Variants in SIRT1 observed in about 807,000 individuals in gnomAD.
The protein encoded by SIRT1 is sirtuin 1, also known as NAD-dependent protein deacetylase sirtuin-1.
In SIRT1, 24 loss-of-function variants were observed where a neutral mutation model predicts 67.9. The ratio of observed to expected loss-of-function variants is 0.35; its 90% CI spans 0.26 to 0.50. The LOEUF (loss-of-function observed/expected upper bound fraction) is 0.50, where lower values mean the gene tolerates loss of function less well. SIRT1 is among the 20% of genes least tolerant of loss of function. SIRT1 has a pLI of 0.98. For missense variants in SIRT1, 873 were observed against 937.2 expected, an observed-to-expected ratio of 0.93 and a Z score of 0.89; for synonymous variants, 378 against 350.7, an observed-to-expected ratio of 1.08 and a Z score of -0.87.
At chr10:67,885,287 T>C (rs1011259857) in intron 1 of SIRT1, 136 bp downstream of exon 1, 3 of 1,242,742 alleles carry the variant, frequency 2.4e-6, no homozygotes, top group Middle Eastern at 3.1e-4. Context: ...GGCCCTCCGT[T>C]CAGCCGCGCT....
In SIRT1 at chr10:67,916,307, A is replaced by G; in HGVS notation, c.1958A>G (p.His653Arg). Residue 653 changes from histidine (H) to arginine (R), a missense_variant, in exon 9 of 9, where the codon CAT (histidine) becomes CGT (arginine). Physicochemically the swap from His to Arg is conservative, Grantham distance 29. Transcript: ENST00000212015. ...TTGCCACCAAATCGTTACATTTTCCATGGCGCTGAGGTATATTCAGACTCT... is the reference window on the plus strand; with the variant it reads ...TTGCCACCAAATCGTTACATTTTCCGTGGCGCTGAGGTATATTCAGACTCT... ...LFLPPNRYIF[H>R]GAEVYSDSED... 3 of 1,598,826 alleles carry G rather than the reference A, an allele frequency of 1.9e-6. No individual in the cohort carries two copies. The highest frequency in any genetic ancestry group is 2.2e-5 in the South Asian group (2 of 90,384).
In SIRT1 at chr10:67,887,518, C is replaced by G. The variant is rs752035789; in HGVS notation, c.532C>G (p.Pro178Ala). ...ASHASSSDWTPRPRIGPYTFV... is the reference protein window; with the variant it reads ...ASHASSSDWTARPRIGPYTFV... ...ACATGCAAGCTCTAGTGACTGGACT[C>G]CAAGGCCACGGATAGGTATGGCTCA... is the stretch of plus-strand genomic sequence containing the variant. The change falls in exon 2 of 9, where the codon CCA becomes GCA. Residue 178 changes from proline (P) to alanine (A), a missense_variant. By Grantham distance (27) the Pro-to-Ala change is conservative (BLOSUM62 -1). Transcript: ENST00000212015. 6.2e-7 allele frequency: 1 copy of G among 1,608,764 alleles called. No individual in the cohort carries two copies. Among genetic ancestry groups the G allele is most frequent in the Non-Finnish European group, 8.5e-7 (1 of 1,175,258 alleles).
At chr10:67,886,824 TTGTA>T (rs1172648798) in intron 1 of SIRT1, among the ~76,000 whole-genome samples, 3 of 152,278 alleles carry the variant, frequency 2.0e-5, no homozygotes, top group Middle Eastern at 3.4e-3. Context: ...TTGTTTGTGA[TTGTA>T]TGATACATTC....
In SIRT1 at chr10:67,884,744, C is replaced by T. The variant is rs2131841433; in HGVS notation, c.23C>T (p.Ala8Val). MADEAAL[A>V]LQPGGSPSAA... ...AAGATGGCGGACGAGGCGGCCCTCG[C>T]CCTTCAGCCCGGCGGCTCCCCCTCG... The change falls in exon 1 of 9, where the codon GCC becomes GTC. Residue 8 changes from alanine (A) to valine (V), a missense_variant. Ala to Val is a moderately conservative substitution (Grantham distance 64). Coordinates refer to ENST00000212015, the MANE Select transcript of SIRT1 (RefSeq NM_012238.5). 1 of 1,229,080 alleles carries T rather than the reference C, an allele frequency of 8.1e-7. No individual in the cohort carries two copies. Among genetic ancestry groups the T allele is most frequent in the East Asian group, 3.2e-5 (1 of 31,562 alleles). The allele number at this position is 1,229,080 out of a possible 1,614,324, so 76.1% of individuals were successfully genotyped here.
chr10:67,906,119 T>A, intron 4 of SIRT1: 4 of 1,278,886 alleles, frequency 3.1e-6, no homozygotes, highest in Non-Finnish European at 4.0e-6. Context: ...ACTTTTTCTC[T>A]GATCTTTTTG....
chr10:67,885,255 G>T, intron 1 of SIRT1, 104 bp downstream of exon 1: 1 of 1,250,496 alleles, frequency 8.0e-7, no homozygotes. Context: ...GGCAGGCTCC[G>T]CGGCGTTCCC....
chr10:67,887,657 C>T lies in SIRT1; in HGVS notation c.547+124C>T, dbSNP rs529984685. 269 of 570,222 alleles carry T rather than the reference C, an allele frequency of 4.7e-4. 2 individuals are homozygous for T. The South Asian group carries it at 5.0e-3, about 11-fold the overall frequency. 35.3% of individuals were successfully genotyped at this position (570,222 alleles called of 1,614,324 possible). A position where few individuals can be genotyped will look rare whatever the true frequency, so the allele number is the denominator to read the frequency against. ...AATGGCGCGATCTCGGCTCACCGTA[C>T]CCTCCGCCTTCCAGGTTCAAGCGAT... On this transcript the variant is annotated intron_variant, in intron 2 of 8. Coordinates refer to ENST00000212015, the MANE Select transcript of SIRT1 (RefSeq NM_012238.5).
At chr10:67,892,641 C>T (rs1169855566) in intron 4 of SIRT1, among the ~76,000 whole-genome samples, 2 of 151,756 alleles carry the variant, frequency 1.3e-5, no homozygotes, top group African/African-American at 4.8e-5. Context: ...TTCCTTTGTC[C>T]CCCAGGCTGG....
At chr10:67,910,863 A>C (rs1842889196) in intron 7 of SIRT1, among the ~76,000 whole-genome samples, 1 of 152,216 alleles carries the variant, frequency 6.6e-6, no homozygotes, top group Non-Finnish European at 1.5e-5. Flanking sequence ...TTTCAGTTGC[A>C]TCAGATGTGT....
rs34799098 is a variant in SIRT1 at position 67,916,679 on chromosome 10, T to G, written c.*86T>G. On this transcript the variant is annotated 3_prime_UTR_variant, in exon 9 of 9. Coordinates refer to ENST00000212015, the MANE Select transcript of SIRT1 (RefSeq NM_012238.5). ...AATGAATGTTTACTTGTGAACTCGA[T>G]AGAGCAAGGAAACCAGAAAGGTGTA... 1 of 1,092,776 alleles carries G rather than the reference T, an allele frequency of 9.2e-7. No homozygotes were observed. Among genetic ancestry groups the G allele is most frequent in the Non-Finnish European group, 1.3e-6 (1 of 774,018 alleles). The allele number at this position is 1,092,776 out of a possible 1,614,324, so 67.7% of individuals were successfully genotyped here.
chr10:67,889,321 C>T (rs1052903026), intron 3 of SIRT1, among the ~76,000 whole-genome samples, 198 bp downstream of exon 3: 16 of 152,274 alleles, frequency 1.1e-4, no homozygotes, highest in African/African-American at 3.6e-4. Flanking sequence ...AAAATATTTG[C>T]TTCTGCTTAT....
chr10:67,900,803 GA>G (rs1358933052), intron 4 of SIRT1, among the ~76,000 whole-genome samples: 1 of 152,076 alleles, frequency 6.6e-6, no homozygotes, highest in East Asian at 1.9e-4. Context: ...GTATATCCTT[GA>G]ATTACCTCTT....
intron 4 of SIRT1, among the ~76,000 whole-genome samples, chr10:67,898,407 A>G (rs1367566776): frequency 6.6e-6 from 1 of 152,188 alleles, no homozygotes; most frequent in Non-Finnish European, 1.5e-5. Flanking sequence ...ACTGAATTTT[A>G]TGAACTTAAT....
At chr10:67,898,252 C>G (rs1333913906) in intron 4 of SIRT1, among the ~76,000 whole-genome samples, 4 of 127,624 alleles carry the variant, frequency 3.1e-5, no homozygotes, top group Non-Finnish European at 6.3e-5. Flanking sequence ...GAGTGAGACT[C>G]TGTCTCAAAA....
rs865785083 is a variant in SIRT1, at chr10:67,885,077, A to G, written c.356A>G (p.Asn119Ser). 16 of 1,444,276 alleles carry G rather than the reference A, an allele frequency of 1.1e-5. No individual in the cohort carries two copies. The highest frequency in any genetic ancestry group is 5.4e-5 in the Admixed American group (2 of 37,242). The allele number at this position is 1,444,276 out of a possible 1,614,324, so 89.5% of individuals were successfully genotyped here. ...GPSREPPLAD[N>S]LYDEDDDDEG... ...TCTCGGGAGCCACCGCTGGCCGACA[A>G]CTTGTACGACGAAGACGACGACGAC... The change falls in exon 1 of 9, where the codon AAC becomes AGC. Residue 119 changes from asparagine to serine, a missense_variant. Around this residue, in one of 3 missense-constraint regions of SIRT1, gnomAD observed 327 missense variants for 283.9 expected, o/e 1.15. Coordinates refer to ENST00000212015, the MANE Select transcript of SIRT1 (RefSeq NM_012238.5).
chr10:67,889,211 T>A, intron 3 of SIRT1, 88 bp downstream of exon 3: 3 of 1,389,016 alleles, frequency 2.2e-6, no homozygotes, highest in Admixed American at 2.2e-5. Context: ...TTAGAAGGAT[T>A]TATCCTTACA....
At chr10:67,891,102 T>G (rs993615640) in intron 3 of SIRT1, among the ~76,000 whole-genome samples, 1 of 152,146 alleles carries the variant, frequency 6.6e-6, no homozygotes, top group African/African-American at 2.4e-5. Flanking sequence ...ATGGTTTATT[T>G]TCTTCTCAAG....
chr10:67,891,994 G>A (rs1589070405), intron 4 of SIRT1, among the ~76,000 whole-genome samples: 1 of 152,324 alleles, frequency 6.6e-6, no homozygotes, highest in Non-Finnish European at 1.5e-5. Flanking sequence ...TTCTTGGGTT[G>A]CATTTTTGTC....
intron 8 of SIRT1, among the ~76,000 whole-genome samples, chr10:67,914,594 A>G (rs1022573546): frequency 5.3e-5 from 8 of 152,232 alleles, no homozygotes; most frequent in Admixed American, 1.3e-4. Flanking sequence ...AAGTCTACCT[A>G]TGCACTAAGA....
Sources: allele counts gnomAD v4.1 joint callset (sites outside exome capture counted in the v4.1 genomes callset), GRCh38; gene constraint gnomAD v4.1.1; regional missense constraint gnomAD v4.1.1; transcripts MANE v1.5; gene names NCBI Gene and HGNC (gene_info 2026-07-23, HGNC 2026-07-21).